Variants in STXBP4 observed in about 807,000 individuals in gnomAD.
STXBP4 encodes syntaxin binding protein 4, also known as syntaxin-binding protein 4.
A neutral mutation model predicts 76.1 loss-of-function variants in STXBP4; 55 were observed. The ratio of observed to expected loss-of-function variants is 0.72; its 90% CI spans 0.58 to 0.91. STXBP4 has a LOEUF of 0.91. STXBP4 is among the 40% of genes least tolerant of loss of function. The probability of loss-of-function intolerance (pLI) is 0.00; values close to 1 mark genes in which losing one functional copy is unlikely to be tolerated. For missense variants in STXBP4, 618 were observed against 636.9 expected, an observed-to-expected ratio of 0.97 and a Z score of 0.32; for synonymous variants, 201 against 220.2, an observed-to-expected ratio of 0.91 and a Z score of 0.77.
At chr17:55,072,229 T>G (rs767936702) in intron 12 of STXBP4, among the ~76,000 whole-genome samples, 1 of 152,194 alleles carries the variant, frequency 6.6e-6, no homozygotes, top group East Asian at 1.9e-4. Context: ...TGTTTGCTTA[T>G]GTATGAAATG....
chr17:55,202,883 G>T, the STXBP4 span, among the ~76,000 whole-genome samples: 2 of 152,106 alleles, frequency 1.3e-5, no homozygotes, highest in South Asian at 4.1e-4. Context: ...ACTTTAAGTA[G>T]TCTGGAGGAT....
At chr17:55,142,783 G>A (rs1002317612) in intron 17 of STXBP4, among the ~76,000 whole-genome samples, 9 of 152,166 alleles carry the variant, frequency 5.9e-5, no homozygotes, top group Non-Finnish European at 1.0e-4. Flanking sequence ...AGCATGAAGT[G>A]ATTAATCAGG....
At chr17:55,209,784 C>T in the STXBP4 span, among the ~76,000 whole-genome samples, 4 of 152,156 alleles carry the variant, frequency 2.6e-5, no homozygotes, top group East Asian at 3.9e-4. Flanking sequence ...AAGATAGCTT[C>T]GGCTTTCTGA....
intron 16 of STXBP4, among the ~76,000 whole-genome samples, chr17:55,140,847 C>G (rs1233188717): frequency 6.6e-6 from 1 of 152,072 alleles, no homozygotes; most frequent in African/African-American, 2.4e-5. Flanking sequence ...TTGTCTTGTC[C>G]AAAAGCTACT....
At position 55,161,938 on chromosome 17, in the gene STXBP4, T is replaced by C. The variant is rs1215546060; in HGVS notation, c.*2027T>C. 1.3e-5 allele frequency: 2 copies of C among 152,222 alleles called. No individual in the cohort carries two copies. The highest frequency in any genetic ancestry group is 1.3e-4 in the Admixed American group (2 of 15,284). The allele number at this position is 152,222 out of a possible 1,614,324, so 9.4% of individuals were successfully genotyped here. ...TTCCAGAAGCTGTTCTCTAAACCACTATGGAGAACTGCTTAGATTCATTGT... is the reference window on the plus strand; with the variant it reads ...TTCCAGAAGCTGTTCTCTAAACCACCATGGAGAACTGCTTAGATTCATTGT... On this transcript the variant is annotated 3_prime_UTR_variant, in exon 18 of 18. Coordinates refer to ENST00000376352, the MANE Select transcript of STXBP4 (RefSeq NM_178509.6).
At chr17:55,044,912 T>G (rs1057303329) in intron 11 of STXBP4, 2 of 152,130 alleles carry the variant, frequency 1.3e-5, no homozygotes, top group Admixed American at 1.3e-4. Context: ...CAGGTTAATA[T>G]ACACAGATCT....
intron 12 of STXBP4, among the ~76,000 whole-genome samples, chr17:55,053,314 C>T (rs2078884303): frequency 6.6e-6 from 1 of 151,938 alleles, no homozygotes; most frequent in Admixed American, 6.6e-5. Context: ...ATATATATAA[C>T]TTACCCTCAG....
chr17:55,008,708 C>T (rs575210701), intron 8 of STXBP4, among the ~76,000 whole-genome samples: 2 of 152,216 alleles, frequency 1.3e-5, no homozygotes, highest in East Asian at 3.9e-4. Context: ...CTTAACATCT[C>T]TGTGTCTTCA....
intron 16 of STXBP4, among the ~76,000 whole-genome samples, chr17:55,133,125 G>T (rs1329284505): frequency 6.6e-6 from 1 of 152,122 alleles, no homozygotes; most frequent in Non-Finnish European, 1.5e-5. Flanking sequence ...CAGTTAGAGT[G>T]CTATCAGAAT....
intron 16 of STXBP4, among the ~76,000 whole-genome samples, chr17:55,122,411 T>G (rs2079855523): frequency 6.6e-6 from 1 of 152,176 alleles, no homozygotes; most frequent in Non-Finnish European, 1.5e-5. Flanking sequence ...GATTCTAGAT[T>G]GATGAGCAGA....
chr17:55,057,407 A>G (rs1488955775), intron 12 of STXBP4, among the ~76,000 whole-genome samples: 2 of 152,220 alleles, frequency 1.3e-5, no homozygotes, highest in African/African-American at 4.8e-5. Flanking sequence ...AACTGTATCT[A>G]TGATGCTTTT....
intron 11 of STXBP4, among the ~76,000 whole-genome samples, chr17:55,045,498 T>C (rs182692316): frequency 1.6e-4 from 25 of 152,260 alleles, no homozygotes; most frequent in African/African-American, 5.3e-4. Flanking sequence ...TTGTTAACTT[T>C]AGTGATATAT....
chr17:55,123,650 C>T (rs1002609048), intron 16 of STXBP4, among the ~76,000 whole-genome samples: 1 of 152,130 alleles, frequency 6.6e-6, no homozygotes, highest in African/African-American at 2.4e-5. Flanking sequence ...CCTGTAATCC[C>T]AGCACTTTGG....
At chr17:54,995,584 C>G (rs2077787446) in intron 4 of STXBP4, among the ~76,000 whole-genome samples, 1 of 152,160 alleles carries the variant, frequency 6.6e-6, no homozygotes, top group African/African-American at 2.4e-5. Flanking sequence ...ATAGGTCTCA[C>G]AGTCAGTGTC....
intron 16 of STXBP4, among the ~76,000 whole-genome samples, chr17:55,137,791 T>G (rs547934704): frequency 6.6e-6 from 1 of 152,140 alleles, no homozygotes; most frequent in South Asian, 2.1e-4. Flanking sequence ...TTGAAAATTT[T>G]AGATAGGTAT....
intron 1 of STXBP4, among the ~76,000 whole-genome samples, chr17:54,970,296 T>G (rs538073202): frequency 6.6e-6 from 1 of 152,150 alleles, no homozygotes; most frequent in Non-Finnish European, 1.5e-5. Flanking sequence ...CTGACTCACA[T>G]TTTTGAAAAG....
intron 16 of STXBP4, among the ~76,000 whole-genome samples, chr17:55,139,819 A>G (rs1006789695): frequency 6.6e-6 from 1 of 152,166 alleles, no homozygotes; most frequent in African/African-American, 2.4e-5. Flanking sequence ...GGCCTGTGTT[A>G]ATATACAAAG....
chr17:54,976,964 A>G (rs937005393), intron 1 of STXBP4, among the ~76,000 whole-genome samples: 1 of 152,084 alleles, frequency 6.6e-6, no homozygotes, highest in African/African-American at 2.4e-5. Context: ...TCCCACACAT[A>G]CTTACATTTT....
At chr17:54,994,696 G>A (rs1001969938) in intron 4 of STXBP4, among the ~76,000 whole-genome samples, 1 of 151,982 alleles carries the variant, frequency 6.6e-6, no homozygotes, top group African/African-American at 2.4e-5. Flanking sequence ...ACTAATATTT[G>A]GTTGCCTGCA....
Sources: allele counts gnomAD v4.1 joint callset (sites outside exome capture counted in the v4.1 genomes callset), GRCh38; gene constraint gnomAD v4.1.1; transcripts MANE v1.5; gene names NCBI Gene and HGNC (gene_info 2026-07-23, HGNC 2026-07-21).